KCNMB2: variants seen among roughly 807,000 people sequenced by gnomAD.
KCNMB2 encodes calcium-activated potassium channel subunit beta-2.
A neutral mutation model predicts 24.5 loss-of-function variants in KCNMB2; 9 were observed. That is an observed-to-expected ratio of 0.37 (90% CI 0.22 to 0.64). The LOEUF (loss-of-function observed/expected upper bound fraction) is 0.64, where lower values mean the gene tolerates loss of function less well. KCNMB2 is among the 30% of genes least tolerant of loss of function. The pLI, the probability that KCNMB2 is intolerant of heterozygous loss-of-function variation, is 0.63. For synonymous variants in KCNMB2, 109 were observed against 104.4 expected, an observed-to-expected ratio of 1.04 and a Z score of -0.27; for missense variants, 226 against 284.3, an observed-to-expected ratio of 0.79 and a Z score of 1.47.
intron 1 of KCNMB2, among the ~76,000 whole-genome samples, chr3:178,636,103 G>T (rs1252727962): frequency 6.6e-6 from 1 of 152,162 alleles, no homozygotes; most frequent in Admixed American, 6.5e-5. Context: ...TTATGTCCTT[G>T]AAATCTGTGT....
intron 1 of KCNMB2, among the ~76,000 whole-genome samples, chr3:178,783,322 T>C (rs1320358183): frequency 1.3e-5 from 2 of 148,702 alleles, no homozygotes; most frequent in Non-Finnish European, 1.5e-5. Context: ...TTTCCAATTC[T>C]GTGAAGAAAG....
rs13316899 is a variant in KCNMB2, at chr3:178,703,837, T to C, written c.-67-103506T>C. Among the ~76,000 whole-genome samples the C allele has an allele frequency of 6.8e-3, 1,041 of 152,252 alleles. 11 individuals are homozygous for C. The highest frequency in any genetic ancestry group is 0.024 in the African/African-American group (978 of 41,532). ...CTAAACAGTGAGTAATCAAAAGGAATTCATCTGTGAGTAACTTCACACATT... is the reference window on the plus strand; with the variant it reads ...CTAAACAGTGAGTAATCAAAAGGAACTCATCTGTGAGTAACTTCACACATT... On this transcript the variant is annotated intron_variant, in intron 1 of 4. Transcript: ENST00000452583.
chr3:178,682,908 C>T lies in KCNMB2; in HGVS notation c.-67-124435C>T, dbSNP rs193091328. ...CAAGGCTATGGAGAAAAGGAAATGC[C>T]TATACACTGTTGGTGGGAATGTAAA... is the stretch of plus-strand genomic sequence containing the variant. On this transcript the variant is annotated intron_variant, in intron 1 of 4. Transcript: ENST00000452583. Among the ~76,000 whole-genome samples the T allele has an allele frequency of 1.0e-4, 15 of 150,126 alleles. 1 individual carries two copies. In the East Asian group the frequency reaches 2.9e-3, roughly 29 times the overall value.
At chr3:178,794,907 T>A (rs1453037625) in intron 1 of KCNMB2, among the ~76,000 whole-genome samples, 2 of 152,142 alleles carry the variant, frequency 1.3e-5, no homozygotes, top group African/African-American at 4.8e-5. Flanking sequence ...CATACTCCTT[T>A]ATGGCAAGTC....
chr3:178,691,915 G>A (rs1721693233), intron 1 of KCNMB2, among the ~76,000 whole-genome samples: 1 of 152,038 alleles, frequency 6.6e-6, no homozygotes, highest in Non-Finnish European at 1.5e-5. Flanking sequence ...ACCAGCACCT[G>A]TTATTTTTTG....
At chr3:178,759,587 A>C (rs1420392380) in intron 1 of KCNMB2, among the ~76,000 whole-genome samples, 2 of 131,288 alleles carry the variant, frequency 1.5e-5, no homozygotes, top group African/African-American at 5.9e-5. Context: ...ATATATATAC[A>C]TATATCTCTC....
rs1480020725 is a variant in KCNMB2, at chr3:178,825,768, C to T, written c.227+10C>T. ...GCTCATACATGCAGAGGTAATACCACTGGGTGGGTGGGACCCTGCTGTTTG... is the reference window on the plus strand; with the variant it reads ...GCTCATACATGCAGAGGTAATACCATTGGGTGGGTGGGACCCTGCTGTTTG... On this transcript the variant is annotated intron_variant, in intron 3 of 4. Transcript: ENST00000452583. 3 of 1,594,460 alleles carry T rather than the reference C, an allele frequency of 1.9e-6. No homozygotes were observed. Among genetic ancestry groups the T allele is most frequent in the South Asian group, 1.1e-5 (1 of 89,816 alleles).
intron 1 of KCNMB2, 112 bp from the exon 2 acceptor site, chr3:178,807,231 C>T (rs1032627960): frequency 2.0e-6 from 1 of 496,986 alleles, no homozygotes; most frequent in Admixed American, 3.7e-5. Flanking sequence ...TTTTAATATG[C>T]AGCCGGGATT....
At chr3:178,635,104 GTGCTTCT>G (rs1719470555) in intron 1 of KCNMB2, among the ~76,000 whole-genome samples, 2 of 152,144 alleles carry the variant, frequency 1.3e-5, no homozygotes, top group South Asian at 4.1e-4. Flanking sequence ...AGACAAGGTA[GTGCTTCT>G]CTGTAGTGGA....
In KCNMB2 at chr3:178,828,228, A is replaced by G. The variant is rs368918405; in HGVS notation, c.278A>G (p.Glu93Gly). ...QCTLLNASIT[E>G]TFNCSFSCGP... ...ACCTTGCTGAATGCGTCCATCACGG[A>G]AACATTTAATTGCTCCTTCAGCTGT... is the stretch of plus-strand genomic sequence containing the variant. The change falls in exon 4 of 5, where the codon GAA (glutamate) becomes GGA (glycine). Residue 93 changes from glutamate to glycine, a missense_variant. Glu to Gly is a moderately conservative substitution (Grantham distance 98, BLOSUM62 -2). Transcript: ENST00000452583. 5.0e-6 allele frequency: 8 copies of G among 1,614,060 alleles called. No homozygotes were observed. The highest frequency in any genetic ancestry group is 6.8e-6 in the Non-Finnish European group (8 of 1,179,976).
intron 1 of KCNMB2, among the ~76,000 whole-genome samples, chr3:178,758,373 TCC>T (rs1724292039): frequency 6.4e-5 from 1 of 15,670 alleles, no homozygotes; most frequent in Admixed American, 8.6e-4. Flanking sequence ...TATATATATC[TCC>T]AAGAGGGGAT....
intron 1 of KCNMB2, among the ~76,000 whole-genome samples, chr3:178,660,447 C>T (rs1323408605): frequency 6.6e-6 from 1 of 152,144 alleles, no homozygotes; most frequent in Non-Finnish European, 1.5e-5. Flanking sequence ...ACTGGGGCCC[C>T]TTCCCAAGAA....
intron 1 of KCNMB2, among the ~76,000 whole-genome samples, chr3:178,806,288 C>T (rs1331879382): frequency 1.3e-5 from 2 of 152,306 alleles, no homozygotes; most frequent in Non-Finnish European, 2.9e-5. Context: ...TCACTACCCA[C>T]CTTGCAGAGT....
chr3:178,740,912 C>A (rs1723473539), intron 1 of KCNMB2, among the ~76,000 whole-genome samples: 1 of 152,164 alleles, frequency 6.6e-6, no homozygotes, highest in African/African-American at 2.4e-5. Flanking sequence ...AATTTAATTT[C>A]CTGAACAGCA....
chr3:178,759,291 G>A (rs1233052079), intron 1 of KCNMB2, among the ~76,000 whole-genome samples: 3 of 108,632 alleles, frequency 2.8e-5, no homozygotes, highest in Non-Finnish European at 5.6e-5. Context: ...CTCTCCAAGA[G>A]GAGACATATA....
chr3:178,757,323 TATATATATGTATATATATCCAAGAGG>T (rs1724111033), intron 1 of KCNMB2, among the ~76,000 whole-genome samples: 1 of 106,550 alleles, frequency 9.4e-6, no homozygotes, highest in African/African-American at 3.8e-5. Context: ...CAAGAGGACA[TATATATATGTATATATATCCAAGAGG>T]ATATATATAT....
At chr3:178,743,329 T>C (rs1723555560) in intron 1 of KCNMB2, among the ~76,000 whole-genome samples, 1 of 152,208 alleles carries the variant, frequency 6.6e-6, no homozygotes, top group Admixed American at 6.5e-5. Context: ...CAGATTACGA[T>C]GGTAACCTAT....
intron 1 of KCNMB2, among the ~76,000 whole-genome samples, chr3:178,605,954 A>C (rs1718256099): frequency 6.6e-6 from 1 of 152,198 alleles, no homozygotes; most frequent in Non-Finnish European, 1.5e-5. Context: ...ATATTGCAAA[A>C]ATTGAGAAAA....
At chr3:178,663,823 T>A (rs1383056570) in intron 1 of KCNMB2, among the ~76,000 whole-genome samples, 1 of 152,154 alleles carries the variant, frequency 6.6e-6, no homozygotes, top group African/African-American at 2.4e-5. Flanking sequence ...TCTGAAGCTA[T>A]CTTAGCATGG....
Sources: gnomAD v4.1 joint callset for allele counts (sites outside exome capture counted in the v4.1 genomes callset) on GRCh38, gnomAD v4.1.1 for gene constraint, MANE v1.5 for transcripts, NCBI Gene and HGNC (gene_info 2026-07-23, HGNC 2026-07-21) for gene names.